Variants in SLCO2A1 observed in about 807,000 individuals in gnomAD.
SLCO2A1 encodes the protein matrin F/G 1.
SLCO2A1 carries 60 observed loss-of-function variants against 71.7 expected under a neutral mutation model. That is an observed-to-expected ratio of 0.84 (90% confidence interval 0.68 to 1.04). SLCO2A1 has a LOEUF of 1.04. SLCO2A1 is among the 50% of genes least tolerant of loss of function. The pLI, the probability that SLCO2A1 is intolerant of heterozygous loss-of-function variation, is 0.00. For synonymous variants in SLCO2A1, 308 were observed against 326.7 expected, an observed-to-expected ratio of 0.94 and a Z score of 0.62; for missense variants, 745 against 813.4, an observed-to-expected ratio of 0.92 and a Z score of 1.02.
intron 1 of SLCO2A1, among the ~76,000 whole-genome samples, chr3:134,020,683 T>A (rs1013322763): frequency 1.4e-5 from 2 of 147,196 alleles, no homozygotes; most frequent in African/African-American, 5.0e-5. Flanking sequence ...GGCACTTTGG[T>A]TTTGGTTTTG....
rs6767522 is a variant in SLCO2A1, at chr3:133,951,381, T to C, written c.725-37A>G. 0.21 allele frequency: 338,298 copies of C among 1,608,786 alleles called. 37,238 individuals are homozygous for C. Among genetic ancestry groups the C allele is most frequent in the Admixed American group, 0.32 (19,337 of 59,780 alleles). On this transcript the variant is annotated intron_variant, in intron 5 of 13. Transcript: ENST00000310926. ...ACGAAGAGTGCAAATGTTTGTTGAATGCATGATCTCACCTTACTGGAAACA... is the reference window on the plus strand; with the variant it reads ...ACGAAGAGTGCAAATGTTTGTTGAACGCATGATCTCACCTTACTGGAAACA...
intron 10 of SLCO2A1, among the ~76,000 whole-genome samples, chr3:133,943,385 G>A (rs1285173305): frequency 3.9e-5 from 6 of 152,070 alleles, no homozygotes; most frequent in South Asian, 2.1e-4. Context: ...ACCTTCCTTC[G>A]CTGCCCTTGT....
At chr3:133,942,332 C>T (rs947860479) in intron 11 of SLCO2A1, 5 of 323,726 alleles carry the variant, frequency 1.5e-5, no homozygotes, top group African/African-American at 6.4e-5. Flanking sequence ...AGAGTGGAGG[C>T]GCCAACAGGG....
intron 1 of SLCO2A1, among the ~76,000 whole-genome samples, chr3:134,024,759 T>C (rs1444638605): frequency 6.6e-6 from 1 of 152,216 alleles, no homozygotes; most frequent in African/African-American, 2.4e-5. Context: ...GTGGTAACTT[T>C]AATGACTACC....
chr3:133,974,978 T>C (rs1471883507), intron 2 of SLCO2A1, among the ~76,000 whole-genome samples: 1 of 152,228 alleles, frequency 6.6e-6, no homozygotes, highest in Admixed American at 6.5e-5. Flanking sequence ...TCAGTTCCAT[T>C]TGACTCAGTT....
intron 1 of SLCO2A1, among the ~76,000 whole-genome samples, chr3:134,027,456 G>T (rs1470978498): frequency 6.6e-6 from 1 of 152,184 alleles, no homozygotes; most frequent in African/African-American, 2.4e-5. Flanking sequence ...CCCACTGTTT[G>T]CTCAATCGAT....
intron 11 of SLCO2A1, among the ~76,000 whole-genome samples, chr3:133,940,831 C>T (rs1192066251): frequency 6.6e-6 from 1 of 152,186 alleles, no homozygotes. Context: ...CTACTGTTTT[C>T]CTGTGCCGTT....
chr3:134,023,077 C>T (rs1021089424), intron 1 of SLCO2A1, among the ~76,000 whole-genome samples: 2 of 152,110 alleles, frequency 1.3e-5, no homozygotes, highest in African/African-American at 4.8e-5. Flanking sequence ...CTGGGAAGGA[C>T]CCTACCTTGT....
intron 3 of SLCO2A1, among the ~76,000 whole-genome samples, chr3:133,969,401 G>A (rs1934275284): frequency 6.6e-6 from 1 of 152,036 alleles, no homozygotes; most frequent in Non-Finnish European, 1.5e-5. Flanking sequence ...CTTCACTCCA[G>A]CCTGGTGACA....
At chr3:133,975,741 G>T (rs1393950876) in intron 2 of SLCO2A1, among the ~76,000 whole-genome samples, 1 of 152,004 alleles carries the variant, frequency 6.6e-6, no homozygotes, top group Non-Finnish European at 1.5e-5. Context: ...TGTTCTTGCT[G>T]CTCCTTCTGA....
intron 9 of SLCO2A1, among the ~76,000 whole-genome samples, chr3:133,946,315 T>A (rs562422398): frequency 1.7e-4 from 26 of 150,566 alleles, no homozygotes; most frequent in Middle Eastern, 7.0e-3. Flanking sequence ...TTAGGCAAAG[T>A]CTTAAAAAAA....
Position 133,953,745 on chromosome 3 carries a change from G to A in SLCO2A1, c.642C>T (p.Ile214=), listed in dbSNP as rs1933806284. ...SPLYISILFA[I]SVFGPAFGYL... ...ACCCGAAAGCCGGTCCAAATACAGA[G>A]ATGGCAAATAAGATGGCTGGAAAAG... Residue 214 remains isoleucine, a synonymous_variant, in exon 5 of 14, where the codon ATC becomes ATT. Transcript: ENST00000310926. The A allele has an allele frequency of 6.2e-7, 1 of 1,614,082 alleles. No homozygotes were observed.
intron 1 of SLCO2A1, among the ~76,000 whole-genome samples, chr3:133,997,598 C>G (rs1170293403): frequency 6.6e-6 from 1 of 152,256 alleles, no homozygotes; most frequent in Admixed American, 6.5e-5. Context: ...CTGCTAGAAG[C>G]AAGGAGAGAG....
chr3:133,979,407 C>T (rs1217669796), intron 2 of SLCO2A1, 74 bp downstream of exon 2: 13 of 1,585,318 alleles, frequency 8.2e-6, no homozygotes, highest in Non-Finnish European at 1.1e-5. Context: ...GCCCCCTGTT[C>T]CTCTGCTTCT....
In SLCO2A1 at chr3:133,973,901, C is replaced by A; in HGVS notation, c.235-76G>T. On this transcript the variant is annotated intron_variant, in intron 2 of 13. Coordinates refer to ENST00000310926, the MANE Select transcript of SLCO2A1 (RefSeq NM_005630.3). ...CACCCACAGAGAAGACCCGATCACA[C>A]TTCATCCAGGAAAACTGGAAAGGGA... 6 of 1,395,086 alleles carry A rather than the reference C, an allele frequency of 4.3e-6. No homozygotes were observed. The South Asian group carries it at 8.3e-5, about 19-fold the overall frequency. The allele number at this position is 1,395,086 out of a possible 1,614,324, so 86.4% of individuals were successfully genotyped here.
chr3:134,007,754 A>G (rs1349606899), intron 1 of SLCO2A1, among the ~76,000 whole-genome samples: 1 of 152,180 alleles, frequency 6.6e-6, no homozygotes, highest in Non-Finnish European at 1.5e-5. Flanking sequence ...ACTAAATTCC[A>G]GCATCCATTA....
At chr3:133,949,377 T>C (rs1316036509) in intron 6 of SLCO2A1, among the ~76,000 whole-genome samples, 1 of 151,848 alleles carries the variant, frequency 6.6e-6, no homozygotes, top group Admixed American at 6.6e-5. Flanking sequence ...ATGCCATCTG[T>C]TTCCAGCCCC....
At position 133,981,772 on chromosome 3, in the gene SLCO2A1, C is replaced by T. The variant is rs145102354; in HGVS notation, c.97-2154G>A. 6.1e-3 allele frequency among the ~76,000 whole-genome samples: 931 copies of T among 152,112 alleles called. 5 individuals carry two copies. The highest frequency in any genetic ancestry group is 7.3e-3 in the Non-Finnish European group (494 of 67,980). On this transcript the variant is annotated intron_variant, in intron 1 of 13. Transcript: ENST00000310926. ...CAGGCGGATCATGAGGTCAGGAGTT[C>T]GAGACCAGCCTGACCAACGTGGTGA...
intron 3 of SLCO2A1, among the ~76,000 whole-genome samples, chr3:133,969,032 C>T (rs9828294): frequency 0.11 from 16,403 of 152,196 alleles, 1,213 homozygotes; most frequent in Non-Finnish European, 0.16. Context: ...TTCCCATGTT[C>T]GTTTCTGGAG....
Sources: allele counts gnomAD v4.1 joint callset (sites outside exome capture counted in the v4.1 genomes callset), GRCh38; gene constraint gnomAD v4.1.1; transcripts MANE v1.5; gene names NCBI Gene and HGNC (gene_info 2026-07-23, HGNC 2026-07-21).